Variants in OXR1 observed in about 807,000 individuals in gnomAD.
OXR1 encodes oxidation resistance 1, also known as oxidation resistance protein 1.
In OXR1, 41 loss-of-function variants were observed where a neutral mutation model predicts 104.6. The observed-to-expected ratio is 0.39, with a 90% CI of 0.31 to 0.51. The LOEUF (loss-of-function observed/expected upper bound fraction) is 0.51. Ranked by LOEUF, OXR1 falls within the 20% of genes least tolerant of loss-of-function variation. OXR1 has a pLI of 0.77. For synonymous variants in OXR1, 348 were observed against 348.4 expected (o/e 1.00, Z 0.01); for missense variants, 955 against 1,031.9 (o/e 0.93, Z 1.02).
chr8:106,705,809 A>C (rs1255387782), intron 8 of OXR1, among the ~76,000 whole-genome samples: 1 of 152,110 alleles, frequency 6.6e-6, no homozygotes, highest in East Asian at 1.9e-4. Context: ...GGTATTAAAG[A>C]GTATAGTTGT....
chr8:106,538,920 T>C (rs1316464106), intron 3 of OXR1, among the ~76,000 whole-genome samples: 3 of 152,212 alleles, frequency 2.0e-5, no homozygotes, highest in Non-Finnish European at 4.4e-5. Context: ...CCTTATGCCG[T>C]AGGTTTTTTA....
intron 11 of OXR1, chr8:106,726,341 A>G (rs1187358809): frequency 8.9e-7 from 1 of 1,124,766 alleles, no homozygotes; most frequent in Non-Finnish European, 1.3e-6. Flanking sequence ...TAATTTGTAT[A>G]TATACTAGTC....
rs139048099 is a variant in OXR1 at position 106,665,199 on chromosome 8, TCACACA to T, written c.221-14001_221-13996del. Among the ~76,000 whole-genome samples, 2 of 150,798 alleles carry T rather than the reference TCACACA, an allele frequency of 1.3e-5. 1 individual carries two copies. Among genetic ancestry groups the T allele is most frequent in the Admixed American group, 1.3e-4 (2 of 15,136 alleles). ...GACACCATTCCACCTCAGGGCACAG[TCACACA>T]CACACACACGCACACAAACACACAC... On this transcript the variant is annotated intron_variant, in intron 3 of 16. Transcript: ENST00000517566.
At chr8:106,541,749 G>A (rs1369422302) in intron 3 of OXR1, among the ~76,000 whole-genome samples, 1 of 152,158 alleles carries the variant, frequency 6.6e-6, no homozygotes, top group East Asian at 1.9e-4. Context: ...GGAGAAGCAG[G>A]GAGAGGATTT....
chr8:106,616,165 C>A (rs1163714727), intron 3 of OXR1, among the ~76,000 whole-genome samples: 1 of 149,946 alleles, frequency 6.7e-6, no homozygotes, highest in African/African-American at 2.5e-5. Context: ...ACTCAGCCTC[C>A]TGAGTAGCTG....
At chr8:106,588,581 G>A (rs1408416658) in intron 3 of OXR1, among the ~76,000 whole-genome samples, 2 of 151,246 alleles carry the variant, frequency 1.3e-5, no homozygotes, top group African/African-American at 2.4e-5. Context: ...TCTGCCTCCC[G>A]GGTTCAAGCA....
intron 4 of OXR1, among the ~76,000 whole-genome samples, chr8:106,681,270 A>G (rs1391923540): frequency 6.6e-6 from 1 of 152,188 alleles, no homozygotes; most frequent in Non-Finnish European, 1.5e-5. Context: ...GAGACCTTTT[A>G]TATATATTAT....
intron 3 of OXR1, among the ~76,000 whole-genome samples, chr8:106,668,111 C>T (rs1461650901): frequency 6.6e-6 from 1 of 152,050 alleles, no homozygotes; most frequent in African/African-American, 2.4e-5. Flanking sequence ...AATATTTACT[C>T]ATTTTACTAT....
chr8:106,703,314 T>C (rs1830748034), intron 8 of OXR1, among the ~76,000 whole-genome samples: 1 of 152,212 alleles, frequency 6.6e-6, no homozygotes, highest in South Asian at 2.1e-4. Context: ...GAGAACCAGA[T>C]ATTTGAAAAG....
chr8:106,307,462 T>G (rs1296500201), intron 1 of OXR1, among the ~76,000 whole-genome samples: 1 of 152,192 alleles, frequency 6.6e-6, no homozygotes, highest in Admixed American at 6.5e-5. Context: ...GAATGTGTCT[T>G]ACTCTGTTTC....
At chr8:106,298,923 A>ATATATG (rs1554619774) in intron 1 of OXR1, among the ~76,000 whole-genome samples, 2 of 150,048 alleles carry the variant, frequency 1.3e-5, no homozygotes, top group African/African-American at 4.9e-5. Context: ...TTATATATAT[A>ATATATG]TGTGTGTGTG....
At chr8:106,423,588 C>T (rs1404238708) in intron 2 of OXR1, among the ~76,000 whole-genome samples, 1 of 152,100 alleles carries the variant, frequency 6.6e-6, no homozygotes, top group East Asian at 1.9e-4. Flanking sequence ...ATTAGTGTGC[C>T]AGAACAGTTG....
At chr8:106,596,165 G>A (rs2130727168) in intron 3 of OXR1, among the ~76,000 whole-genome samples, 1 of 152,206 alleles carries the variant, frequency 6.6e-6, no homozygotes, top group African/African-American at 2.4e-5. Context: ...AGATGAAAGG[G>A]CTGGATGCAG....
chr8:106,275,901 G>A (rs375108620), intron 1 of OXR1, among the ~76,000 whole-genome samples: 47 of 152,206 alleles, frequency 3.1e-4, no homozygotes, highest in African/African-American at 1.1e-3. Context: ...ATAAGTAATA[G>A]CAATGCAGGA....
chr8:106,579,877 T>G (rs1429704304), intron 3 of OXR1, among the ~76,000 whole-genome samples: 1 of 151,928 alleles, frequency 6.6e-6, no homozygotes, highest in African/African-American at 2.4e-5. Flanking sequence ...ACTGGTCTCA[T>G]GGCAGCAGAG....
At chr8:106,480,154 A>T (rs186580931) in intron 2 of OXR1, among the ~76,000 whole-genome samples, 1 of 152,128 alleles carries the variant, frequency 6.6e-6, no homozygotes, top group Admixed American at 6.6e-5. Flanking sequence ...GCTATATGTG[A>T]TAAATAATTG....
At chr8:106,422,793 G>A (rs1167472692) in intron 2 of OXR1, among the ~76,000 whole-genome samples, 1 of 152,164 alleles carries the variant, frequency 6.6e-6, no homozygotes, top group Non-Finnish European at 1.5e-5. Flanking sequence ...GTCAGTTGTA[G>A]AGTCAGAACT....
intron 2 of OXR1, among the ~76,000 whole-genome samples, chr8:106,512,313 A>C (rs1812586272): frequency 6.6e-6 from 1 of 152,166 alleles, no homozygotes; most frequent in South Asian, 2.1e-4. Context: ...GATATATGGA[A>C]ATGTGAGTTG....
intron 1 of OXR1, among the ~76,000 whole-genome samples, chr8:106,286,923 G>A (rs2130018832): frequency 6.6e-6 from 1 of 152,248 alleles, no homozygotes; most frequent in South Asian, 2.1e-4. Context: ...TAGTAACTCA[G>A]CAATAAAAGC....
Sources: allele counts gnomAD v4.1 joint callset (sites outside exome capture counted in the v4.1 genomes callset), GRCh38; gene constraint gnomAD v4.1.1; transcripts MANE v1.5; gene names NCBI Gene and HGNC (gene_info 2026-07-23, HGNC 2026-07-21).